TNXB: variants seen among roughly 807,000 people sequenced by gnomAD.
TNXB encodes tenascin XB, also known as tenascin-X.
In TNXB, 183 loss-of-function variants were observed where a neutral mutation model predicts 340.5. The ratio of observed to expected loss-of-function variants is 0.54; its 90% CI spans 0.48 to 0.61. The LOEUF is 0.61. Ranked by LOEUF, TNXB falls within the 20% of genes least tolerant of loss-of-function variation. The pLI, the probability that TNXB is intolerant of heterozygous loss-of-function variation, is 0.00. For missense variants in TNXB, 4,613 were observed against 5,446.4 expected (o/e 0.85, Z 4.82); for synonymous variants, 2,121 against 2,314.5 (o/e 0.92, Z 2.40).
At chr6:32,088,017 C>A in intron 6 of TNXB, 1 of 290,340 alleles carries the variant, frequency 3.4e-6, no homozygotes, top group South Asian at 2.6e-5. Context: ...AAGGGGAGAA[C>A]AGGTCAGTGG....
rs1582446847 is a variant in TNXB at position 32,084,316 on chromosome 6, A to G, written c.3445+97T>C. ...ATTCAGCTCATGCACCACTGCCTCC[A>G]GGAAGCCTTCCCGGAGCTCCCAAAG... is the stretch of plus-strand genomic sequence containing the variant. On this transcript the variant is annotated intron_variant, in intron 8 of 43. Transcript: ENST00000644971. This position sits in a 1 kb window ranked among gnomAD's most constrained non-coding sequence, Gnocchi z 5.5. 2 of 1,035,612 alleles carry G rather than the reference A, an allele frequency of 1.9e-6. No homozygotes were observed. The highest frequency in any genetic ancestry group is 2.6e-6 in the Non-Finnish European group (2 of 761,944). 64.2% of individuals were successfully genotyped at this position (1,035,612 alleles called of 1,614,324 possible).
rs972261217 is a variant in TNXB at position 32,062,121 on chromosome 6, A to G, written c.7168+36T>C. ...CAAAGAGCAAGAGGGTGACCCTCCC[A>G]TGGCTCCCACCCTGGGGCTCCCATC... On this transcript the variant is annotated intron_variant, in intron 20 of 43. Transcript: ENST00000644971. This position sits in a 1 kb window ranked among gnomAD's most constrained non-coding sequence, Gnocchi z 4.3. The G allele has an allele frequency of 1.1e-5, 18 of 1,591,902 alleles. No individual in the cohort carries two copies. The highest frequency in any genetic ancestry group is 5.7e-5 in the South Asian group (5 of 88,148).
At chr6:32,088,691 C>T in intron 6 of TNXB, 94 bp downstream of exon 6, 1 of 1,487,834 alleles carries the variant, frequency 6.7e-7, no homozygotes, top group Non-Finnish European at 9.0e-7. Context: ...CAGAAGCATT[C>T]AGAGGAGTCT....
chr6:32,085,818 T>A lies in TNXB; in HGVS notation c.3080A>T (p.Glu1027Val). 6.2e-7 allele frequency: 1 copy of A among 1,602,602 alleles called. No individual in the cohort carries two copies. The highest frequency in any genetic ancestry group is 8.5e-7 in the Non-Finnish European group (1 of 1,175,416). The change falls in exon 7 of 44, where the codon GAG (glutamate) becomes GTG (valine). Residue 1027 changes from glutamate (E) to valine (V), a missense_variant. Physicochemically the swap from Glu to Val is moderately radical, Grantham distance 121. Coordinates refer to ENST00000644971, the MANE Select transcript of TNXB (RefSeq NM_001365276.2). This position sits in a 1 kb window ranked among gnomAD's most constrained non-coding sequence, Gnocchi z 6.4. The part of the protein sequence containing the change: ...VPPPPPGTPY[E>V]LSLHGVPPGG... Reference sequence around the variant, plus strand: ...AGGAGGGACCCCATGAAGTGACAGCTCATACGGGGTTCCAGGAGGGGGTGG... The same window carrying A: ...AGGAGGGACCCCATGAAGTGACAGCACATACGGGGTTCCAGGAGGGGGTGG...
Position 32,068,247 on chromosome 6 carries a change from G to A in TNXB, c.6220+143C>T. On this transcript the variant is annotated intron_variant, in intron 17 of 43. Transcript: ENST00000644971. The surrounding 1 kb of genome is among the most constrained non-coding windows in gnomAD (Gnocchi z 5.3). ...AGCCAGTGGTCAACCTCACAGGAAG[G>A]CCCAAGGGGAGCCCCAGCCCCAGCC... 1 of 1,290,940 alleles carries A rather than the reference G, an allele frequency of 7.7e-7. No individual in the cohort carries two copies. The highest frequency in any genetic ancestry group is 1.1e-6 in the Non-Finnish European group (1 of 945,498). The allele number at this position is 1,290,940 out of a possible 1,614,324, so 80.0% of individuals were successfully genotyped here. A position where few individuals can be genotyped will look rare whatever the true frequency, so the allele number is the denominator to read the frequency against.
rs1185855812 is a variant in TNXB, at chr6:32,070,764, CGATTTGGCCGT to C, written c.4991-361_4991-351del. 1.3e-5 allele frequency among the ~76,000 whole-genome samples: 2 copies of C among 152,182 alleles called. No homozygotes were observed. Among genetic ancestry groups the C allele is most frequent in the Non-Finnish European group, 2.9e-5 (2 of 68,030 alleles). ...CTATCTCCTCTTACCCAGGAGCACACGATTTGGCCGTGATTTGGCCGGCCCCTGAGGAAAGG... is the reference window on the plus strand; with the variant it reads ...CTATCTCCTCTTACCCAGGAGCACACGATTTGGCCGGCCCCTGAGGAAAGG... On this transcript the variant is annotated intron_variant, in intron 13 of 43. Coordinates refer to ENST00000644971, the MANE Select transcript of TNXB (RefSeq NM_001365276.2). This position sits in a 1 kb window ranked among gnomAD's most constrained non-coding sequence, Gnocchi z 6.0.
Position 32,087,438 on chromosome 6 carries a change from G to C in TNXB, c.2780-1320C>G, listed in dbSNP as rs755110665. The C allele has an allele frequency of 2.1e-6, 1 of 480,684 alleles. No individual in the cohort carries two copies. The highest frequency in any genetic ancestry group is 4.1e-6 in the Non-Finnish European group (1 of 242,002). The allele number at this position is 480,684 out of a possible 1,614,324, so 29.8% of individuals were successfully genotyped here. A position where few individuals can be genotyped will look rare whatever the true frequency, so the allele number is the denominator to read the frequency against. The stretch of plus-strand genomic sequence containing the variant: ...GCCGCCAGCGCAGCACCACGCGCTC[G>C]AACTGGCCGCGGAGCCCGTCGAGAG... On this transcript the variant is annotated intron_variant, in intron 6 of 43. Transcript: ENST00000644971. This position sits in a 1 kb window ranked among gnomAD's most constrained non-coding sequence, Gnocchi z 9.0.
intron 1 of TNXB, among the ~76,000 whole-genome samples, chr6:32,098,443 C>T (rs204895): frequency 0.022 from 3,285 of 151,740 alleles, 58 homozygotes; most frequent in Admixed American, 0.038. Flanking sequence ...TATTGTGTTC[C>T]CCTACACTGG....
Position 32,043,229 on chromosome 6 carries a change from G to A in TNXB, c.11740C>T (p.Arg3914Cys). The A allele has an allele frequency of 4.0e-6, 1 of 251,698 alleles. No individual in the cohort carries two copies. The highest frequency in any genetic ancestry group is 2.6e-5 in the South Asian group (1 of 38,464). 15.6% of individuals were successfully genotyped at this position (251,698 alleles called of 1,614,324 possible). A position where few individuals can be genotyped will look rare whatever the true frequency, so the allele number is the denominator to read the frequency against. The change falls in exon 37 of 44, where the codon CGT becomes TGT. Residue 3914 changes from arginine to cysteine, a missense_variant. Arg to Cys is a radical substitution (Grantham distance 180, BLOSUM62 -3). Around this residue, in one of 7 missense-constraint regions of TNXB, gnomAD observed 114 missense variants for 104.5 expected, o/e 1.09. Coordinates refer to ENST00000644971, the MANE Select transcript of TNXB (RefSeq NM_001365276.2). ...GTGAGGTTGGGGCCCCGCAGGCCAC[G>A]CACTGTGGCGGTGTAGTTGGTGTGG... is the stretch of plus-strand genomic sequence containing the variant. ...VLHTNYTATV[R>C]GLRGPNLTSP...
intron 24 of TNXB, among the ~76,000 whole-genome samples, chr6:32,054,873 A>C (rs962488059): frequency 2.0e-5 from 3 of 152,216 alleles, no homozygotes; most frequent in Non-Finnish European, 4.4e-5. Flanking sequence ...GGCGTGGTCC[A>C]GTTGAACAGA....
chr6:32,064,506 G>A lies in TNXB; in HGVS notation c.6841+315C>T, dbSNP rs1778213614. 1.3e-5 allele frequency among the ~76,000 whole-genome samples: 2 copies of A among 152,170 alleles called. No homozygotes were observed. Among genetic ancestry groups the A allele is most frequent in the Non-Finnish European group, 2.9e-5 (2 of 68,034 alleles). On this transcript the variant is annotated intron_variant, in intron 19 of 43. Transcript: ENST00000644971. This position sits in a 1 kb window ranked among gnomAD's most constrained non-coding sequence, Gnocchi z 5.3. Reference sequence around the variant, plus strand: ...TGGGATTACAGGCATGAGCCACCGTGCCCAGACAGGTTGTGTGAGTCTCTT... The same window carrying A: ...TGGGATTACAGGCATGAGCCACCGTACCCAGACAGGTTGTGTGAGTCTCTT...
rs1780421801 is a variant in TNXB, at chr6:32,096,850, C to T, written c.1003G>A (p.Glu335Lys). 6.2e-7 allele frequency: 1 copy of T among 1,605,712 alleles called. No homozygotes were observed. The highest frequency in any genetic ancestry group is 8.5e-7 in the Non-Finnish European group (1 of 1,176,836). ...RCVCDPGYTG[E>K]DCGTRSCPWD... Reference sequence around the variant, plus strand: ...GGGCAGCTCCGCGTACCACAGTCCTCGCCAGTGTAGCCGGGGTCACACACG... The same window carrying T: ...GGGCAGCTCCGCGTACCACAGTCCTTGCCAGTGTAGCCGGGGTCACACACG... Residue 335 changes from glutamate to lysine, a missense_variant, in exon 3 of 44, where the codon GAG becomes AAG. Around this residue, in one of 7 missense-constraint regions of TNXB, gnomAD observed 4,327 missense variants for 4,859.4 expected, o/e 0.89. Transcript: ENST00000644971.
rs1778512070 is a variant in TNXB at position 32,068,196 on chromosome 6, C to A, written c.6220+194G>T. 6.6e-6 allele frequency among the ~76,000 whole-genome samples: 1 copy of A among 152,142 alleles called. No homozygotes were observed. Among genetic ancestry groups the A allele is most frequent in the Admixed American group, 6.5e-5 (1 of 15,282 alleles). ...GACAGCCACCAGCACAGCAAAATTC[C>A]CGATGGCCCCTCTCTGTTCAGGAGG... is the stretch of plus-strand genomic sequence containing the variant. On this transcript the variant is annotated intron_variant, in intron 17 of 43. Transcript: ENST00000644971. The surrounding 1 kb of genome is among the most constrained non-coding windows in gnomAD (Gnocchi z 5.3).
intron 33 of TNXB, 38 bp downstream of exon 33, chr6:32,044,343 G>A (rs2151884216): frequency 2.4e-6 from 1 of 416,746 alleles, no homozygotes; most frequent in African/African-American, 5.9e-5. Context: ...GAAGTACAAA[G>A]ACCCCCACTT....
rs563716023 is a variant in TNXB at position 32,107,366 on chromosome 6, T to C, written c.-9+1815A>G. Reference sequence around the variant, plus strand: ...GTCTAGAAGAGCAGAGCAGCCTCCATTGACCACACACCCAGAGGCTCCTTC... The same window carrying C: ...GTCTAGAAGAGCAGAGCAGCCTCCACTGACCACACACCCAGAGGCTCCTTC... On this transcript the variant is annotated intron_variant, in intron 1 of 43. Transcript: ENST00000644971. 7.2e-5 allele frequency among the ~76,000 whole-genome samples: 11 copies of C among 152,180 alleles called. No homozygotes were observed. The East Asian group carries it at 1.7e-3, about 24-fold the overall frequency.
In TNXB at chr6:32,068,948, G is replaced by A. The variant is rs1487473394; in HGVS notation, c.5776C>T (p.Arg1926Cys). 9 of 1,612,774 alleles carry A rather than the reference G, an allele frequency of 5.6e-6. No homozygotes were observed. The highest frequency in any genetic ancestry group is 1.1e-5 in the South Asian group (1 of 91,086). ...TDRDGQLQMV[R>C]IGGDRNDITL... Reference sequence around the variant, plus strand: ...ATGTCATTCCGGTCACCTCCTATGCGGACCATTTGGAGTTGCCCGTCTCTA... The same window carrying A: ...ATGTCATTCCGGTCACCTCCTATGCAGACCATTTGGAGTTGCCCGTCTCTA... Residue 1926 changes from arginine (R) to cysteine (C), a missense_variant, in exon 16 of 44, where the codon CGC becomes TGC. Physicochemically the swap from Arg to Cys is radical, Grantham distance 180. Transcript: ENST00000644971. The surrounding 1 kb of genome is among the most constrained non-coding windows in gnomAD (Gnocchi z 5.3).
Position 32,072,636 on chromosome 6 carries a change from A to G in TNXB, c.4682-338T>C, listed in dbSNP as rs1344319902. On this transcript the variant is annotated intron_variant, in intron 12 of 43. Coordinates refer to ENST00000644971, the MANE Select transcript of TNXB (RefSeq NM_001365276.2). The surrounding 1 kb of genome is among the most constrained non-coding windows in gnomAD (Gnocchi z 4.4). Reference sequence around the variant, plus strand: ...GTCCTGTTATTTAATGAACTAGTAAATAAGTCCAAGTATTACTAAATCGTA... The same window carrying G: ...GTCCTGTTATTTAATGAACTAGTAAGTAAGTCCAAGTATTACTAAATCGTA... 2.0e-5 allele frequency among the ~76,000 whole-genome samples: 3 copies of G among 152,266 alleles called. No homozygotes were observed. Among genetic ancestry groups the G allele is most frequent in the Non-Finnish European group, 4.4e-5 (3 of 68,050 alleles).
At chr6:32,066,073 C>CAAT (rs1382865493) in intron 18 of TNXB, among the ~76,000 whole-genome samples, 3 of 152,078 alleles carry the variant, frequency 2.0e-5, no homozygotes, top group Admixed American at 1.3e-4. Context: ...CCACACAATG[C>CAAT]AATACTGTTT....
chr6:32,053,032 G>C, intron 25 of TNXB, 39 bp from the exon 26 acceptor site: 1 of 1,587,266 alleles, frequency 6.3e-7, no homozygotes, highest in Non-Finnish European at 8.6e-7. Context: ...CAGCTTCCCT[G>C]GGGGATGTCC....
Sources: gnomAD v4.1 joint callset for allele counts (sites outside exome capture counted in the v4.1 genomes callset) on GRCh38, gnomAD v4.1.1 for gene constraint, gnomAD v4.1.1 regional missense constraint, Gnocchi (gnomAD v3.1) non-coding constraint, MANE v1.5 for transcripts, NCBI Gene and HGNC (gene_info 2026-07-23, HGNC 2026-07-21) for gene names.